The following KIF5B variants were observed in gnomAD, a reference collection of about 807,000 sequenced individuals.
KIF5B encodes kinesin-1 heavy chain.
KIF5B carries 49 observed loss-of-function variants against 132.8 expected under a neutral mutation model. The ratio of observed to expected loss-of-function variants is 0.37; its 90% CI spans 0.29 to 0.47. The LOEUF (loss-of-function observed/expected upper bound fraction) is 0.47, where lower values mean the gene tolerates loss of function less well. KIF5B is among the 20% of genes least tolerant of loss of function. The pLI is 1.00. For synonymous variants in KIF5B, 355 were observed against 369.4 expected (o/e 0.96, Z 0.45); for missense variants, 780 against 1,144.0 (o/e 0.68, Z 4.59).
At position 32,055,965 on chromosome 10, in the gene KIF5B, G is replaced by A. The variant is rs1203101711; in HGVS notation, c.9C>T (p.Asp3=). The A allele has an allele frequency of 1.2e-6, 2 of 1,606,520 alleles. No individual in the cohort carries two copies. Among genetic ancestry groups the A allele is most frequent in the African/African-American group, 2.7e-5 (2 of 74,888 alleles). The change falls in exon 1 of 26, where the codon GAC becomes GAT. Residue 3 remains aspartate (D), a synonymous_variant. Transcript: ENST00000302418. MA[D]LAECNIKVMC... ...TCACTTTGATGTTGCACTCGGCCAGGTCCGCCATCTTTCTCGCAGCCGGGG... is the reference window on the plus strand; with the variant it reads ...TCACTTTGATGTTGCACTCGGCCAGATCCGCCATCTTTCTCGCAGCCGGGG...
intron 16 of KIF5B, among the ~76,000 whole-genome samples, chr10:32,022,595 G>A (rs1841278749): frequency 1.3e-5 from 2 of 152,036 alleles, no homozygotes; most frequent in African/African-American, 2.4e-5. Context: ...CTGCAGTTTT[G>A]CCCACCCTGG....
chr10:32,028,604 ATC>A, intron 14 of KIF5B, 33 bp from the exon 15 acceptor site: 1 of 1,567,002 alleles, frequency 6.4e-7, no homozygotes, highest in South Asian at 1.2e-5. Flanking sequence ...GTATAGTTAA[ATC>A]TACTACATGA....
At chr10:32,018,001 A>T in intron 23 of KIF5B, 51 bp downstream of exon 23, 1 of 1,009,146 alleles carries the variant, frequency 9.9e-7, no homozygotes, top group Non-Finnish European at 1.5e-6. Context: ...CCAATCCTCA[A>T]TTTTTGATTT....
chr10:32,018,676 A>G (rs1841213763), intron 20 of KIF5B, 114 bp from the exon 21 acceptor site: 1 of 812,698 alleles, frequency 1.2e-6, no homozygotes, highest in East Asian at 2.9e-5. Context: ...AAATTTAAAT[A>G]AATACAAGAT....
chr10:32,037,393 CACAA>C lies in KIF5B; in HGVS notation c.587-19_587-16del, dbSNP rs751399065. 1.8e-5 allele frequency: 29 copies of C among 1,608,182 alleles called. No homozygotes were observed. In the African/African-American group the frequency reaches 2.0e-4, roughly 11 times the overall value. ...TTCATTCATATCTGCAAGGAAATTACACAAACAAATATAAACAAACATGATTTCC... is the reference window on the plus strand; with the variant it reads ...TTCATTCATATCTGCAAGGAAATTACACAAATATAAACAAACATGATTTCC... On this transcript the variant is annotated splice_polypyrimidine_tract_variant and intron_variant, in intron 7 of 25. Transcript: ENST00000302418.
intron 2 of KIF5B, among the ~76,000 whole-genome samples, chr10:32,045,448 T>A (rs1488678072): frequency 2.6e-5 from 4 of 152,110 alleles, no homozygotes; most frequent in Non-Finnish European, 5.9e-5. Flanking sequence ...AGAATAAACA[T>A]TGTTGAAAGG....
intron 1 of KIF5B, among the ~76,000 whole-genome samples, chr10:32,050,183 T>C (rs1279694184): frequency 6.6e-6 from 1 of 152,152 alleles, no homozygotes; most frequent in Non-Finnish European, 1.5e-5. Context: ...GAAAAAGACC[T>C]ACTACCCTCC....
chr10:32,016,195 G>A (rs911885580), intron 24 of KIF5B, among the ~76,000 whole-genome samples: 1 of 152,006 alleles, frequency 6.6e-6, no homozygotes, highest in Admixed American at 6.6e-5. Flanking sequence ...AGTGGCTCAT[G>A]CCTGTAATCC....
intron 15 of KIF5B, among the ~76,000 whole-genome samples, chr10:32,024,836 G>A (rs1841313817): frequency 6.6e-6 from 1 of 151,816 alleles, no homozygotes; most frequent in Non-Finnish European, 1.5e-5. Flanking sequence ...CAGCACTTTG[G>A]GAGGCTGAGG....
rs1841762836 is a variant in KIF5B at position 32,056,274 on chromosome 10, AC to A, written c.-302del. On this transcript the variant is annotated 5_prime_UTR_variant, in exon 1 of 26. Coordinates refer to ENST00000302418, the MANE Select transcript of KIF5B (RefSeq NM_004521.3). ...GCGTCCCCCTTTACGGTCTGGGCGG[AC>A]TGCGGGGGCTGGGGAGGTTCTGGGG... 2.8e-6 allele frequency: 1 copy of A among 354,240 alleles called. No homozygotes were observed. The highest frequency in any genetic ancestry group is 5.1e-5 in the Admixed American group (1 of 19,568). 21.9% of individuals were successfully genotyped at this position (354,240 alleles called of 1,614,324 possible).
At chr10:32,049,844 A>G (rs1053774213) in intron 1 of KIF5B, among the ~76,000 whole-genome samples, 2 of 152,228 alleles carry the variant, frequency 1.3e-5, no homozygotes, top group Admixed American at 1.3e-4. Context: ...AAAGTACTCA[A>G]TGACAAAGGT....
intron 19 of KIF5B, among the ~76,000 whole-genome samples, chr10:32,020,439 A>C (rs1241238994): frequency 6.6e-6 from 1 of 152,116 alleles, no homozygotes; most frequent in East Asian, 1.9e-4. Flanking sequence ...TTCCCAGTTA[A>C]GAATTTTGAG....
At chr10:32,018,826 A>G (rs1393217242) in intron 20 of KIF5B, among the ~76,000 whole-genome samples, 1 of 152,078 alleles carries the variant, frequency 6.6e-6, no homozygotes, top group Non-Finnish European at 1.5e-5. Flanking sequence ...TCGTCTCCCA[A>G]ATAGCTGGGA....
intron 1 of KIF5B, among the ~76,000 whole-genome samples, chr10:32,052,409 C>A (rs1441002714): frequency 6.6e-6 from 1 of 152,162 alleles, no homozygotes; most frequent in African/African-American, 2.4e-5. Context: ...AGGAACTGGG[C>A]AAGATTATCT....
intron 2 of KIF5B, among the ~76,000 whole-genome samples, chr10:32,046,063 G>A (rs1841604743): frequency 6.6e-6 from 1 of 151,954 alleles, no homozygotes; most frequent in African/African-American, 2.4e-5. Context: ...TAGATCCCCA[G>A]TATAAAACTC....
intron 12 of KIF5B, 103 bp from the exon 13 acceptor site, chr10:32,032,877 C>T (rs1345987825): frequency 6.0e-6 from 5 of 835,344 alleles, no homozygotes; most frequent in Non-Finnish European, 1.0e-5. Context: ...TATTTCAAAA[C>T]CATTTCTCTA....
chr10:32,022,382 G>A (rs1841275975), intron 16 of KIF5B, 125 bp from the exon 17 acceptor site: 1 of 584,120 alleles, frequency 1.7e-6, no homozygotes, highest in Admixed American at 3.0e-5. Flanking sequence ...AAAATATTCA[G>A]GAGCCAATTT....
intron 1 of KIF5B, among the ~76,000 whole-genome samples, chr10:32,051,810 A>T (rs1841698431): frequency 6.6e-6 from 1 of 152,216 alleles, no homozygotes; most frequent in Non-Finnish European, 1.5e-5. Flanking sequence ...TGAAACACAA[A>T]AATTATTTCT....
Position 32,039,791 on chromosome 10 carries a change from G to T in KIF5B, c.289-360C>A, listed in dbSNP as rs74127906. Among the ~76,000 whole-genome samples, 216 of 152,236 alleles carry T rather than the reference G, an allele frequency of 1.4e-3. 1 individual carries two copies. Among genetic ancestry groups the T allele is most frequent in the African/African-American group, 5.1e-3 (211 of 41,564 alleles). On this transcript the variant is annotated intron_variant, in intron 3 of 25. Coordinates refer to ENST00000302418, the MANE Select transcript of KIF5B (RefSeq NM_004521.3). ...TTCATGCAAATACTAGGATGTCCTTGTTCTCTATGACTTTATGAAAATCAG... is the reference window on the plus strand; with the variant it reads ...TTCATGCAAATACTAGGATGTCCTTTTTCTCTATGACTTTATGAAAATCAG...
Sources: allele counts gnomAD v4.1 joint callset (sites outside exome capture counted in the v4.1 genomes callset), GRCh38; gene constraint gnomAD v4.1.1; transcripts MANE v1.5; gene names NCBI Gene and HGNC (gene_info 2026-07-23, HGNC 2026-07-21).